SLC18A1: variants seen among roughly 807,000 people sequenced by gnomAD.
SLC18A1 encodes solute carrier family 18 member A1.
SLC18A1 carries 69 observed loss-of-function variants against 53.7 expected under a neutral mutation model. The ratio of observed to expected loss-of-function variants is 1.28; its 90% CI spans 1.06 to 1.57. The LOEUF (loss-of-function observed/expected upper bound fraction) is 1.57, where lower values mean the gene tolerates loss of function less well. SLC18A1 is among the 40% of genes most tolerant of loss of function. The pLI is 0.00. For missense variants in SLC18A1, 932 were observed against 668.1 expected (o/e 1.40, Z -4.35); for synonymous variants, 320 against 248.1 (o/e 1.29, Z -2.72).
intron 8 of SLC18A1, among the ~76,000 whole-genome samples, chr8:20,165,328 A>G (rs1401681360): frequency 6.6e-6 from 1 of 152,162 alleles, no homozygotes. Context: ...TAGGCACTGT[A>G]ATAGTCACAG....
chr8:20,156,372 C>T (rs944857131), intron 10 of SLC18A1, among the ~76,000 whole-genome samples: 1 of 151,712 alleles, frequency 6.6e-6, no homozygotes, highest in Non-Finnish European at 1.5e-5. Flanking sequence ...CTTAACCCAG[C>T]CAATTTCCTA....
chr8:20,149,843 C>A (rs1156368292), intron 11 of SLC18A1, 116 bp from the exon 12 acceptor site: 1 of 879,148 alleles, frequency 1.1e-6, no homozygotes, highest in South Asian at 1.5e-5. Flanking sequence ...CCCCTTAGGA[C>A]CTGAGGACAG....
intron 8 of SLC18A1, 35 bp from the exon 9 acceptor site, chr8:20,165,142 A>G (rs143551459): frequency 2.3e-4 from 344 of 1,527,406 alleles, no homozygotes; most frequent in Non-Finnish European, 2.8e-4. Context: ...GTCCATTTGT[A>G]CAGTGCATAC....
At chr8:20,179,045 T>A in intron 3 of SLC18A1, 76 bp downstream of exon 3, 3 of 1,508,010 alleles carry the variant, frequency 2.0e-6, no homozygotes, top group Non-Finnish European at 2.7e-6. Flanking sequence ...TCTTTTTCCC[T>A]TCCAACCCCC....
At chr8:20,178,350 G>C in intron 4 of SLC18A1, 85 bp downstream of exon 4, 1 of 1,072,658 alleles carries the variant, frequency 9.3e-7, no homozygotes, top group South Asian at 1.5e-5. Flanking sequence ...TTACATTCTA[G>C]GTTACCCTGC....
intron 8 of SLC18A1, among the ~76,000 whole-genome samples, chr8:20,168,734 AT>A (rs1339372851): frequency 1.3e-5 from 2 of 152,028 alleles, no homozygotes; most frequent in African/African-American, 2.4e-5. Flanking sequence ...TGCCCAGCTA[AT>A]TTTTTTGTAC....
At chr8:20,176,862 G>T (rs1270157159) in intron 4 of SLC18A1, among the ~76,000 whole-genome samples, 2 of 152,046 alleles carry the variant, frequency 1.3e-5, no homozygotes, top group Admixed American at 6.6e-5. Flanking sequence ...TGAATTCTTG[G>T]CAGAGAATCA....
At chr8:20,159,346 T>C (rs1585201266) in intron 10 of SLC18A1, among the ~76,000 whole-genome samples, 1 of 151,994 alleles carries the variant, frequency 6.6e-6, no homozygotes, top group East Asian at 1.9e-4. Context: ...CAATTAAGAA[T>C]TCCTAAGCCT....
At chr8:20,175,088 A>G (rs2072223147) in intron 4 of SLC18A1, among the ~76,000 whole-genome samples, 1 of 152,236 alleles carries the variant, frequency 6.6e-6, no homozygotes, top group Non-Finnish European at 1.5e-5. Flanking sequence ...GAAGAGAGGC[A>G]GTGTGTTGAA....
In SLC18A1 at chr8:20,147,667, G is replaced by C. The variant is rs750159332; in HGVS notation, c.1266C>G (p.His422Gln). The C allele has an allele frequency of 6.2e-6, 10 of 1,613,918 alleles. No homozygotes were observed. The highest frequency in any genetic ancestry group is 4.2e-6 in the Non-Finnish European group (5 of 1,179,976). Reference protein sequence around the residue: ...PIMGHLVDLRHTSVYGSVYAI... With the variant: ...PIMGHLVDLRQTSVYGSVYAI... ...CGTAGACACTCCCATACACCGAGGTGTGGCGTAGATCCACCAGGTGCCCCA... is the reference window on the plus strand; with the variant it reads ...CGTAGACACTCCCATACACCGAGGTCTGGCGTAGATCCACCAGGTGCCCCA... Residue 422 changes from histidine to glutamine, a missense_variant, in exon 14 of 16, where the codon CAC becomes CAG. Physicochemically the swap from His to Gln is conservative, Grantham distance 24. Transcript: ENST00000276373.
intron 15 of SLC18A1, among the ~76,000 whole-genome samples, chr8:20,146,131 G>A (rs1469931078): frequency 6.6e-6 from 1 of 152,086 alleles, no homozygotes; most frequent in Admixed American, 6.6e-5. Context: ...TAGCCAGAAT[G>A]GTCTCGATCT....
chr8:20,158,083 G>T (rs1270421324), intron 10 of SLC18A1, among the ~76,000 whole-genome samples: 1 of 152,226 alleles, frequency 6.6e-6, no homozygotes, highest in Non-Finnish European at 1.5e-5. Flanking sequence ...GCAGGACTGA[G>T]GGTGCCCAGG....
At chr8:20,152,242 G>C (rs2071575954) in intron 10 of SLC18A1, among the ~76,000 whole-genome samples, 1 of 152,182 alleles carries the variant, frequency 6.6e-6, no homozygotes, top group Non-Finnish European at 1.5e-5. Context: ...TGGAGGGTGA[G>C]AAAATGAAGG....
intron 12 of SLC18A1, 123 bp from the exon 13 acceptor site, chr8:20,148,193 C>T: frequency 1.2e-6 from 1 of 821,398 alleles, no homozygotes; most frequent in Admixed American, 2.4e-5. Flanking sequence ...ACATCATCCT[C>T]CTGCACTCTC....
At chr8:20,176,350 G>C (rs1484974315) in intron 4 of SLC18A1, among the ~76,000 whole-genome samples, 1 of 152,150 alleles carries the variant, frequency 6.6e-6, no homozygotes, top group Non-Finnish European at 1.5e-5. Flanking sequence ...GCCCGCACCA[G>C]AAGCAGATGC....
intron 6 of SLC18A1, among the ~76,000 whole-genome samples, chr8:20,171,820 C>T (rs1475133939): frequency 6.6e-6 from 1 of 152,070 alleles, no homozygotes; most frequent in African/African-American, 2.4e-5. Flanking sequence ...GTCAATGTCT[C>T]AGGAATTTCA....
rs1322609804 is a variant in SLC18A1, at chr8:20,145,836, T to C, written c.1505A>G (p.Tyr502Cys). The C allele has an allele frequency of 1.2e-6, 2 of 1,611,930 alleles. No individual in the cohort carries two copies. Among genetic ancestry groups the C allele is most frequent in the Admixed American group, 1.7e-5 (1 of 59,698 alleles). ...TTCCTTCGTGGGCTTCTGGGTTGCA[T>C]ACATCCGGGTCTCCATGGGGCAGTC... is the stretch of plus-strand genomic sequence containing the variant. Reference protein sequence around the residue: ...SQDCPMETRMYATQKPTKEFP... With the variant: ...SQDCPMETRMCATQKPTKEFP... The change falls in exon 16 of 16, where the codon TAT becomes TGT. Residue 502 changes from tyrosine to cysteine, a missense_variant. Physicochemically the swap from Tyr to Cys is radical, Grantham distance 194 (BLOSUM62 -2). Transcript: ENST00000276373.
Position 20,178,997 on chromosome 8 carries a change from G to A in SLC18A1, c.488+124C>T, listed in dbSNP as rs945784942. The stretch of plus-strand genomic sequence containing the variant: ...CTTTGAGTAACGAGCTTTCCGAATA[G>A]CTGACTCCCCTGAGGAATCATACAA... On this transcript the variant is annotated intron_variant, in intron 3 of 15. Transcript: ENST00000276373. The A allele has an allele frequency of 5.1e-6, 6 of 1,170,758 alleles. No homozygotes were observed. In the African/African-American group the frequency reaches 6.2e-5, roughly 12 times the overall value. The allele number at this position is 1,170,758 out of a possible 1,614,324, so 72.5% of individuals were successfully genotyped here. A position where few individuals can be genotyped will look rare whatever the true frequency, so the allele number is the denominator to read the frequency against.
intron 10 of SLC18A1, among the ~76,000 whole-genome samples, chr8:20,160,558 A>T (rs149329799): frequency 3.3e-5 from 5 of 152,098 alleles, no homozygotes; most frequent in Admixed American, 3.3e-4. Context: ...AATTGTACAA[A>T]TAATTTTTTA....
Sources: gnomAD v4.1 joint callset for allele counts (sites outside exome capture counted in the v4.1 genomes callset) on GRCh38, gnomAD v4.1.1 for gene constraint, MANE v1.5 for transcripts, NCBI Gene and HGNC (gene_info 2026-07-23, HGNC 2026-07-21) for gene names.